The following VPS50 variants were observed in gnomAD, a reference collection of about 807,000 sequenced individuals.
VPS50 encodes syndetin.
A neutral mutation model predicts 139.7 loss-of-function variants in VPS50; 70 were observed. The ratio of observed to expected loss-of-function variants is 0.50; its 90% CI spans 0.41 to 0.61. VPS50 has a LOEUF of 0.61. Ranked by LOEUF, VPS50 falls within the 20% of genes least tolerant of loss-of-function variation. The probability of loss-of-function intolerance (pLI) is 0.00; values close to 1 mark genes in which losing one functional copy is unlikely to be tolerated. For missense variants in VPS50, 921 were observed against 1,133.7 expected (o/e 0.81, Z 2.69); for synonymous variants, 365 against 376.7 (o/e 0.97, Z 0.36).
At chr7:93,274,142 A>G (rs1796086710) in intron 11 of VPS50, among the ~76,000 whole-genome samples, 1 of 152,100 alleles carries the variant, frequency 6.6e-6, no homozygotes, top group East Asian at 1.9e-4. Flanking sequence ...TAATAAACCT[A>G]CAGTGGCTTT....
intron 11 of VPS50, chr7:93,273,408 C>T (rs1385257424): frequency 6.6e-6 from 1 of 152,000 alleles, no homozygotes; most frequent in Non-Finnish European, 1.5e-5. Context: ...AAACGGTCCC[C>T]TCTTTTAGAA....
chr7:93,305,867 T>C lies in VPS50; in HGVS notation c.1492T>C (p.Ser498Pro). The C allele has an allele frequency of 6.2e-7, 1 of 1,612,766 alleles. No homozygotes were observed. The highest frequency in any genetic ancestry group is 8.5e-7 in the Non-Finnish European group (1 of 1,178,946). ...FMEQSRSPSV[S>P]PSKQPVSTSS... is the part of the protein sequence containing the mutation. The stretch of plus-strand genomic sequence containing the variant: ...GGAACAGTCTCGCTCCCCATCAGTT[T>C]CACCTAGTAAACAGCCAGTCTCAAC... The change falls in exon 18 of 28, where the codon TCA (serine) becomes CCA (proline). Residue 498 changes from serine to proline, a missense_variant. Physicochemically the swap from Ser to Pro is moderately conservative, Grantham distance 74. This residue lies in a region of VPS50 where 744 missense variants were observed against 930.6 expected (regional missense o/e 0.80). Transcript: ENST00000305866.
chr7:93,252,944 A>G (rs1158080160), intron 3 of VPS50, among the ~76,000 whole-genome samples, 169 bp downstream of exon 3: 4 of 152,218 alleles, frequency 2.6e-5, no homozygotes, highest in Non-Finnish European at 4.4e-5. Flanking sequence ...CGATGAAATT[A>G]TTATTTTTTG....
chr7:93,259,107 T>C lies in VPS50; in HGVS notation c.577-443T>C, dbSNP rs74463579. Among the ~76,000 whole-genome samples the C allele has an allele frequency of 9.4e-3, 1,428 of 152,216 alleles. 22 individuals are homozygous for C. Among genetic ancestry groups the C allele is most frequent in the African/African-American group, 0.032 (1,333 of 41,576 alleles). ...TGAGTTTATTAATTAGTGTTTTTTT[T>C]CTAAATTTATTTCTTTAGAACTATT... On this transcript the variant is annotated intron_variant, in intron 8 of 27. Transcript: ENST00000305866.
At chr7:93,309,057 C>A in intron 19 of VPS50, 115 bp downstream of exon 19, 2 of 466,724 alleles carry the variant, frequency 4.3e-6, no homozygotes, top group Non-Finnish European at 7.7e-6. Context: ...CTTATAATGT[C>A]ACCTGACAGA....
At chr7:93,300,648 C>G (rs1414332938) in intron 16 of VPS50, among the ~76,000 whole-genome samples, 16 of 151,978 alleles carry the variant, frequency 1.1e-4, no homozygotes, top group Admixed American at 9.8e-4. Context: ...AATTCTACCC[C>G]AGCTCATGAT....
intron 12 of VPS50, among the ~76,000 whole-genome samples, chr7:93,279,305 A>G (rs892570134): frequency 6.6e-6 from 1 of 152,142 alleles, no homozygotes; most frequent in Admixed American, 6.5e-5. Flanking sequence ...CTTTCTTTCT[A>G]GTTCTGCTTA....
chr7:93,249,607 A>G (rs1795259120), intron 2 of VPS50, among the ~76,000 whole-genome samples: 1 of 152,102 alleles, frequency 6.6e-6, no homozygotes. Flanking sequence ...GTAATCTTCA[A>G]ATATTTTGTC....
At chr7:93,290,417 CTTT>C (rs36096738) in intron 12 of VPS50, among the ~76,000 whole-genome samples, 10 of 138,254 alleles carry the variant, frequency 7.2e-5, no homozygotes, top group Admixed American at 7.2e-5. Context: ...TAATGGGCAT[CTTT>C]TTTTTTTTTT....
intron 9 of VPS50, 42 bp downstream of exon 9, chr7:93,259,674 C>A: frequency 1.0e-6 from 1 of 975,570 alleles, no homozygotes; most frequent in Non-Finnish European, 1.7e-6. Flanking sequence ...CTGTTGTCAG[C>A]TTCTTATGTA....
chr7:93,355,776 C>T (rs561020966), intron 26 of VPS50, 115 bp from the exon 27 acceptor site: 8 of 546,606 alleles, frequency 1.5e-5, no homozygotes, highest in African/African-American at 9.6e-5. Context: ...TCCTATAACC[C>T]TCTCATTTCT....
intron 20 of VPS50, among the ~76,000 whole-genome samples, chr7:93,312,932 G>C (rs865880636): frequency 1.3e-5 from 2 of 152,192 alleles, no homozygotes; most frequent in African/African-American, 4.8e-5. Context: ...TCCTTGAGAT[G>C]TAGTCAGCTT....
At chr7:93,262,167 TATA>T (rs1795705815) in intron 9 of VPS50, among the ~76,000 whole-genome samples, 1 of 152,188 alleles carries the variant, frequency 6.6e-6, no homozygotes, top group Non-Finnish European at 1.5e-5. Flanking sequence ...CACTGTCTGT[TATA>T]ATAGGAAAGA....
chr7:93,260,639 T>C (rs531846426), intron 9 of VPS50, among the ~76,000 whole-genome samples: 1 of 152,104 alleles, frequency 6.6e-6, no homozygotes, highest in Non-Finnish European at 1.5e-5. Flanking sequence ...TATGGTTTTT[T>C]TTTTTCTTTA....
rs1796619789 is a variant in VPS50, at chr7:93,290,555, AT to A, written c.943-1140del. Among the ~76,000 whole-genome samples, 7 of 151,630 alleles carry A rather than the reference AT, an allele frequency of 4.6e-5. No homozygotes were observed. The South Asian group carries it at 1.5e-3, about 32-fold the overall frequency. ...ATTTTCTTAAAGCCCACTTTGAGAA[AT>A]TTTTTTTGATCAGCACCTATTGAGA... is the stretch of plus-strand genomic sequence containing the variant. On this transcript the variant is annotated intron_variant, in intron 12 of 27. Transcript: ENST00000305866.
chr7:93,299,591 A>G (rs1321419048), intron 16 of VPS50, among the ~76,000 whole-genome samples: 1 of 152,156 alleles, frequency 6.6e-6, no homozygotes, highest in Non-Finnish European at 1.5e-5. Context: ...GTTTGAATTT[A>G]TAGGGATAAT....
intron 22 of VPS50, among the ~76,000 whole-genome samples, chr7:93,339,432 T>C (rs534244502): frequency 6.6e-6 from 1 of 152,292 alleles, no homozygotes; most frequent in Non-Finnish European, 1.5e-5. Flanking sequence ...GTAAATTATA[T>C]GTATGCATTT....
chr7:93,275,669 C>T (rs1410569926), intron 11 of VPS50, among the ~76,000 whole-genome samples: 2 of 151,908 alleles, frequency 1.3e-5, no homozygotes, highest in Admixed American at 6.5e-5. Context: ...GTGAGGTATG[C>T]CTGTAAATGA....
intron 1 of VPS50, among the ~76,000 whole-genome samples, chr7:93,238,651 A>G (rs1481027658): frequency 6.6e-6 from 1 of 152,142 alleles, no homozygotes; most frequent in Non-Finnish European, 1.5e-5. Flanking sequence ...AGAAAAACCT[A>G]TTCATTAGGT....
Sources: gnomAD v4.1 joint callset for allele counts (sites outside exome capture counted in the v4.1 genomes callset) on GRCh38, gnomAD v4.1.1 for gene constraint, gnomAD v4.1.1 regional missense constraint, MANE v1.5 for transcripts, NCBI Gene and HGNC (gene_info 2026-07-23, HGNC 2026-07-21) for gene names.